Variants in IQSEC3 observed in about 807,000 individuals in gnomAD.
The protein encoded by IQSEC3 is IQ motif and Sec7 domain ArfGEF 3.
IQSEC3 carries 50 observed loss-of-function variants against 105.4 expected under a neutral mutation model. The ratio of observed to expected loss-of-function variants is 0.47; its 90% CI spans 0.38 to 0.60. The LOEUF is 0.60. IQSEC3 is among the 20% of genes least tolerant of loss of function. IQSEC3 has a pLI of 0.00. For synonymous variants in IQSEC3, 708 were observed against 746.0 expected, an observed-to-expected ratio of 0.95 and a Z score of 0.83; for missense variants, 1,415 against 1,630.0, an observed-to-expected ratio of 0.87 and a Z score of 2.27.
intron 5 of IQSEC3, 28 bp downstream of exon 5, chr12:141,313 C>T: frequency 6.3e-7 from 1 of 1,596,816 alleles, no homozygotes; most frequent in South Asian, 1.1e-5. Flanking sequence ...CGGGCTTTCC[C>T]CACTCCTTCC....
At chr12:168,091 T>C (rs1021201420) in intron 11 of IQSEC3, among the ~76,000 whole-genome samples, 9 of 152,100 alleles carry the variant, frequency 5.9e-5, no homozygotes, top group Non-Finnish European at 1.3e-4. Context: ...AGACTGAAAA[T>C]GGAGCCCAGG....
At chr12:149,068 C>A (rs554320665) in intron 5 of IQSEC3, 1 of 152,338 alleles carries the variant, frequency 6.6e-6, no homozygotes, top group South Asian at 2.1e-4. Flanking sequence ...CAATTTTATG[C>A]AAGATTGTAC....
chr12:74,657 TGTGCTG>T (rs1335527974), intron 1 of IQSEC3, among the ~76,000 whole-genome samples: 1 of 152,292 alleles, frequency 6.6e-6, no homozygotes, highest in Non-Finnish European at 1.5e-5. Context: ...CCCCGTGCTC[TGTGCTG>T]GCATCAGACC....
Position 178,168 on chromosome 12 carries a change from CCT to C in IQSEC3, c.*3136_*3137del, listed in dbSNP as rs1939294477. ...TGATCCAGCCCTGCGTCTTCGAGCCCCTGTGCCACCGGTCCCCACGGCCCGCC... is the reference window on the plus strand; with the variant it reads ...TGATCCAGCCCTGCGTCTTCGAGCCCGTGCCACCGGTCCCCACGGCCCGCC... On this transcript the variant is annotated 3_prime_UTR_variant, in exon 14 of 14. Coordinates refer to ENST00000538872, the MANE Select transcript of IQSEC3 (RefSeq NM_001170738.2). 2.0e-5 allele frequency: 3 copies of C among 151,588 alleles called. No individual in the cohort carries two copies. The highest frequency in any genetic ancestry group is 2.4e-5 in the African/African-American group (1 of 40,870). The allele number at this position is 151,588 out of a possible 1,614,324, so 9.4% of individuals were successfully genotyped here.
chr12:86,195 G>T (rs1247989297), intron 1 of IQSEC3, among the ~76,000 whole-genome samples: 1 of 152,234 alleles, frequency 6.6e-6, no homozygotes, highest in African/African-American at 2.4e-5. Context: ...TCCGGCCTAG[G>T]TGGGGCAGAG....
rs184513452 is a variant in IQSEC3, at chr12:150,903, A to C, written c.2154-6122A>C. On this transcript the variant is annotated intron_variant, in intron 5 of 13. Transcript: ENST00000538872. ...TCAGTAGAGGGGAGGCGTGGTAGCT[A>C]TCTGAAAGAACACCTCAAACTTCGT... is the stretch of plus-strand genomic sequence containing the variant. Among the ~76,000 whole-genome samples the C allele has an allele frequency of 3.3e-5, 5 of 152,290 alleles. No homozygotes were observed. The East Asian group carries it at 9.7e-4, about 29-fold the overall frequency.
chr12:137,387 A>AG (rs1189393065), intron 3 of IQSEC3: 45 of 151,072 alleles, frequency 3.0e-4, no homozygotes, highest in African/African-American at 9.3e-4. Context: ...AGGAGCTGTG[A>AG]GGTTTTTTAG....
intron 1 of IQSEC3, among the ~76,000 whole-genome samples, chr12:70,945 T>C (rs1555067359): frequency 1.3e-5 from 2 of 152,392 alleles, no homozygotes; most frequent in South Asian, 2.1e-4. Flanking sequence ...CTACCCTTTT[T>C]CCTTCATTCT....
At chr12:125,988 A>ATAT (rs1865390889) in intron 3 of IQSEC3, 76 bp downstream of exon 3, 1 of 1,397,734 alleles carries the variant, frequency 7.2e-7, no homozygotes. Flanking sequence ...GGTACCAGGG[A>ATAT]TATCCCCGCT....
At position 163,486 on chromosome 12, in the gene IQSEC3, G is replaced by T; in HGVS notation, c.2584-8G>T. On this transcript the variant is annotated splice_region_variant and splice_polypyrimidine_tract_variant and intron_variant, in intron 8 of 13. Transcript: ENST00000538872. ...GTCTCTCCCGCTGAGCGCCCTGCCC[G>T]CGTGCAGGTGCTGTCCGTGCCCCAC... 1 of 1,597,618 alleles carries T rather than the reference G, an allele frequency of 6.3e-7. No individual in the cohort carries two copies.
Position 166,118 on chromosome 12 carries a change from G to A in IQSEC3, c.2971+228G>A. 3 of 520,964 alleles carry A rather than the reference G, an allele frequency of 5.8e-6. No homozygotes were observed. In the South Asian group the frequency reaches 9.6e-5, roughly 17 times the overall value. The allele number at this position is 520,964 out of a possible 1,614,324, so 32.3% of individuals were successfully genotyped here. A position where few individuals can be genotyped will look rare whatever the true frequency, so the allele number is the denominator to read the frequency against. Reference sequence around the variant, plus strand: ...TAGAGTGCACACACGTGTGTACACAGATCAGCAGGCATGTGGGGCTGCGCG... The same window carrying A: ...TAGAGTGCACACACGTGTGTACACAAATCAGCAGGCATGTGGGGCTGCGCG... On this transcript the variant is annotated intron_variant, in intron 11 of 13. Coordinates refer to ENST00000538872, the MANE Select transcript of IQSEC3 (RefSeq NM_001170738.2).
At chr12:108,222 C>T (rs913304255) in intron 2 of IQSEC3, among the ~76,000 whole-genome samples, 1 of 152,250 alleles carries the variant, frequency 6.6e-6, no homozygotes, top group Non-Finnish European at 1.5e-5. Flanking sequence ...TGACCAGTTT[C>T]CCATATACCA....
At chr12:141,389 G>C in intron 5 of IQSEC3, 104 bp downstream of exon 5, 2 of 1,202,244 alleles carry the variant, frequency 1.7e-6, no homozygotes, top group Non-Finnish European at 2.4e-6. Flanking sequence ...AGTTCTAACA[G>C]CTTCCAGCTT....
intron 5 of IQSEC3, among the ~76,000 whole-genome samples, chr12:153,728 C>T (rs566941217): frequency 6.6e-6 from 1 of 152,140 alleles, no homozygotes; most frequent in Admixed American, 6.5e-5. Flanking sequence ...TCCCTCACCA[C>T]CCCCATGCAA....
rs376118139 is a variant in IQSEC3 at position 125,815 on chromosome 12, C to T, written c.806C>T (p.Ser269Phe). ...AGGGCTGGCCCCCAGCACAAGGCCT[C>T]CCCCGGCCGGCAGCAGCCTGCCCTG... ...SPRAGPQHKASPGRQQPALAT... is the reference protein window; with the variant it reads ...SPRAGPQHKAFPGRQQPALAT... The change falls in exon 3 of 14, where the codon TCC becomes TTC. Residue 269 changes from serine (S) to phenylalanine (F), a missense_variant. By Grantham distance (155) the Ser-to-Phe change is radical. This residue lies in a region of IQSEC3 where 720 missense variants were observed against 633.0 expected (regional missense o/e 1.14). Transcript: ENST00000538872. The T allele has an allele frequency of 2.0e-5, 30 of 1,527,600 alleles. No homozygotes were observed. The highest frequency in any genetic ancestry group is 2.6e-5 in the Non-Finnish European group (30 of 1,143,750). 94.6% of individuals were successfully genotyped at this position (1,527,600 alleles called of 1,614,324 possible). A position where few individuals can be genotyped will look rare whatever the true frequency, so the allele number is the denominator to read the frequency against.
intron 5 of IQSEC3, among the ~76,000 whole-genome samples, chr12:155,426 G>C (rs1388661131): frequency 2.6e-5 from 4 of 152,230 alleles, no homozygotes; most frequent in Admixed American, 1.3e-4. Context: ...GCCTACGGGA[G>C]AGAGGCGAAA....
In IQSEC3 at chr12:101,272, G is replaced by A. The variant is rs140058695; in HGVS notation, c.623+2058G>A. 4.8e-3 allele frequency among the ~76,000 whole-genome samples: 737 copies of A among 152,294 alleles called. 23 individuals are homozygous for A. The highest frequency in any genetic ancestry group is 0.037 in the Admixed American group (570 of 15,306). On this transcript the variant is annotated intron_variant, in intron 2 of 13. Transcript: ENST00000538872. Reference sequence around the variant, plus strand: ...AGGTGGGAAGGAGTGGGAGAGAGGCGGCCCCAGCAGCACGCCAGAATGTAG... The same window carrying A: ...AGGTGGGAAGGAGTGGGAGAGAGGCAGCCCCAGCAGCACGCCAGAATGTAG...
At position 78,847 on chromosome 12, in the gene IQSEC3, G is replaced by T. The variant is rs868979592; in HGVS notation, c.554+11411G>T. Among the ~76,000 whole-genome samples, 31 of 152,220 alleles carry T rather than the reference G, an allele frequency of 2.0e-4. No homozygotes were observed. The Middle Eastern group carries it at 0.017, about 84-fold the overall frequency. ...ACGCAGTGAGGGCTCGACGCGGGGT[G>T]GTTGCTGTCACTTTGGGACCCTTCC... On this transcript the variant is annotated intron_variant, in intron 1 of 13. Transcript: ENST00000538872.
At chr12:171,523 G>C (rs781845399) in intron 13 of IQSEC3, 3 of 602,222 alleles carry the variant, frequency 5.0e-6, no homozygotes, top group Non-Finnish European at 8.8e-6. Flanking sequence ...CCCAGTACTT[G>C]CTGTATCAGA....
Sources: allele counts gnomAD v4.1 joint callset (sites outside exome capture counted in the v4.1 genomes callset), GRCh38; gene constraint gnomAD v4.1.1; regional missense constraint gnomAD v4.1.1; transcripts MANE v1.5; gene names NCBI Gene and HGNC (gene_info 2026-07-23, HGNC 2026-07-21).